HLA-B: variants seen among roughly 807,000 people sequenced by gnomAD.
HLA-B encodes the protein major histocompatibility complex, class I, B.
Under a neutral mutation model 41.5 loss-of-function variants are expected in HLA-B, and 31 were observed. That is an observed-to-expected ratio of 0.75 (90% confidence interval 0.56 to 1.01). HLA-B has a LOEUF of 1.01. HLA-B is among the 50% of genes least tolerant of loss of function. The pLI is 0.00. For synonymous variants in HLA-B, 138 were observed against 189.0 expected (o/e 0.73, Z 2.21); for missense variants, 369 against 457.2 (o/e 0.81, Z 1.76).
rs41559119 is a variant in HLA-B, at chr6:31,355,225, T to C, written c.896-2A>G. ...GGACGGTGGACTGGGAAGACGGCTCTGGGAAAGGAGGGGAAGATGAGGGGC... is the reference window on the plus strand; with the variant it reads ...GGACGGTGGACTGGGAAGACGGCTCCGGGAAAGGAGGGGAAGATGAGGGGC... On this transcript the variant is annotated splice_acceptor_variant, in intron 4 of 7. Transcript: ENST00000412585. LOFTEE classifies it high-confidence loss of function. 3.9e-6 allele frequency: 4 copies of C among 1,036,554 alleles called. 1 individual carries two copies. The African/African-American group carries it at 9.4e-5, about 24-fold the overall frequency. The allele number at this position is 1,036,554 out of a possible 1,614,324, so 64.2% of individuals were successfully genotyped here.
At chr6:31,356,488 GC>G in intron 2 of HLA-B, 46 bp from the exon 3 acceptor site, 1 of 778,372 alleles carries the variant, frequency 1.3e-6, no homozygotes, top group Non-Finnish European at 1.7e-6. Flanking sequence ...GCCCCGCCCC[GC>G]CCCGACCAAC....
In HLA-B at chr6:31,353,923, CTTAT is replaced by C. The variant is rs1562159214; in HGVS notation, c.*374_*377del. 1.2e-5 allele frequency: 4 copies of C among 324,582 alleles called. No individual in the cohort carries two copies. Among genetic ancestry groups the C allele is most frequent in the Non-Finnish European group, 2.3e-5 (4 of 171,042 alleles). 20.1% of individuals were successfully genotyped at this position (324,582 alleles called of 1,614,324 possible). A position where few individuals can be genotyped will look rare whatever the true frequency, so the allele number is the denominator to read the frequency against. On this transcript the variant is annotated 3_prime_UTR_variant, in exon 8 of 8. Transcript: ENST00000412585. Reference sequence around the variant, plus strand: ...TGCTCTCTCAAATTCCAGGAATTGACTTATTTAATTAATCCATCAACCTCTCATA... The same window carrying C: ...TGCTCTCTCAAATTCCAGGAATTGACTTAATTAATCCATCAACCTCTCATA...
At position 31,357,101 on chromosome 6, in the gene HLA-B, T is replaced by TCAGGGC; in HGVS notation, c.52_57dup (p.Ala18_Leu19dup). 2.2e-6 allele frequency: 2 copies of TCAGGGC among 908,356 alleles called. 1 individual carries two copies. Among genetic ancestry groups the TCAGGGC allele is most frequent in the Non-Finnish European group, 2.9e-6 (2 of 698,944 alleles). The allele number at this position is 908,356 out of a possible 1,614,324, so 56.3% of individuals were successfully genotyped here. A position where few individuals can be genotyped will look rare whatever the true frequency, so the allele number is the denominator to read the frequency against. On this transcript the variant is annotated inframe_insertion, in exon 1 of 8. Transcript: ENST00000412585. ...CCGCACTCACCGGCCCAGGTCTCGGTCAGGGCCAGGGCCGCCGAGAGCAGC... is the reference window on the plus strand; with the variant it reads ...CCGCACTCACCGGCCCAGGTCTCGGTCAGGGCCAGGGCCAGGGCCGCCGAGAGCAGC...
rs980218602 is a variant in HLA-B, at chr6:31,356,520, A to G, written c.344-78T>C. 9.6e-6 allele frequency: 10 copies of G among 1,036,854 alleles called. 2 individuals are homozygous for G. The highest frequency in any genetic ancestry group is 6.8e-5 in the African/African-American group (3 of 44,094). 64.2% of individuals were successfully genotyped at this position (1,036,854 alleles called of 1,614,324 possible). A position where few individuals can be genotyped will look rare whatever the true frequency, so the allele number is the denominator to read the frequency against. On this transcript the variant is annotated intron_variant, in intron 2 of 7. Transcript: ENST00000412585. ...CCAACCCGCGGGGATTTTGGCCTCAACTGAAAATGAAACCGGGTAAACGCG... is the reference window on the plus strand; with the variant it reads ...CCAACCCGCGGGGATTTTGGCCTCAGCTGAAAATGAAACCGGGTAAACGCG...
rs1071652 is a variant in HLA-B at position 31,356,424 on chromosome 6, C to T, written c.362G>A (p.Ser121Asn). Residue 121 changes from serine to asparagine, a missense_variant, in exon 3 of 8, where the codon AGC becomes AAC. Ser to Asn is a conservative substitution (Grantham distance 46). Transcript: ENST00000412585. ...QSEAGSHTLQ[S>N]MYGCDVGPDG... Reference sequence around the variant, plus strand: ...CGGCCCCACGTCGCAGCCGTACATGCTCTGGAGGGTGTGAGACCCTGGCCC... The same window carrying T: ...CGGCCCCACGTCGCAGCCGTACATGTTCTGGAGGGTGTGAGACCCTGGCCC... 12,007 of 906,310 alleles carry T rather than the reference C, an allele frequency of 0.013. 94 individuals carry two copies. Among genetic ancestry groups the T allele is most frequent in the Non-Finnish European group, 0.014 (9,797 of 695,514 alleles). The allele number at this position is 906,310 out of a possible 1,614,324, so 56.1% of individuals were successfully genotyped here.
Position 31,354,965 on chromosome 6 carries a change from G to T in HLA-B, c.1012+142C>A, listed in dbSNP as rs3819285. On this transcript the variant is annotated intron_variant, in intron 5 of 7. Transcript: ENST00000412585. ...ACATGTGCTGCACAAAAGAGTAAGT[G>T]CTGGCACACAGGGTCCCAGGCTGCG... 9.9e-3 allele frequency: 3,281 copies of T among 331,816 alleles called. 133 individuals are homozygous for T. The highest frequency in any genetic ancestry group is 0.059 in the South Asian group (1,474 of 25,028). The allele number at this position is 331,816 out of a possible 1,614,324, so 20.6% of individuals were successfully genotyped here. A position where few individuals can be genotyped will look rare whatever the true frequency, so the allele number is the denominator to read the frequency against.
Position 31,356,813 on chromosome 6 carries a change from GC to G in HLA-B, c.217del (p.Ala73ArgfsTer4). ...DAASPREEPR[A>X]PWIEQEGPEY... ...CGGCCCCTCCTGCTCTATCCACGGC[GC>G]CCGCGGCTCCTCTCTCGGACTCGCG... is the stretch of plus-strand genomic sequence containing the variant. On this transcript the variant is annotated frameshift_variant, in exon 2 of 8. Coordinates refer to ENST00000412585, the MANE Select transcript of HLA-B (RefSeq NM_005514.8). LOFTEE classifies it high-confidence loss of function. 1 of 1,164,936 alleles carries G rather than the reference GC, an allele frequency of 8.6e-7. No homozygotes were observed. 72.2% of individuals were successfully genotyped at this position (1,164,936 alleles called of 1,614,324 possible). A position where few individuals can be genotyped will look rare whatever the true frequency, so the allele number is the denominator to read the frequency against.
intron 3 of HLA-B, 35 bp downstream of exon 3, chr6:31,356,132 A>C: frequency 1.6e-6 from 2 of 1,240,276 alleles, no homozygotes; most frequent in Non-Finnish European, 1.0e-6. Context: ...GGCGACCTAT[A>C]GGAGATGGGG....
In HLA-B at chr6:31,357,087, G is replaced by T. The variant is rs151341076; in HGVS notation, c.72C>A (p.Ala24=). ...SAALALTETW[A]GSHSMRYFYT... Reference sequence around the variant, plus strand: ...ATTTCCCTCCCGACCCGCACTCACCGGCCCAGGTCTCGGTCAGGGCCAGGG... The same window carrying T: ...ATTTCCCTCCCGACCCGCACTCACCTGCCCAGGTCTCGGTCAGGGCCAGGG... The change falls in exon 1 of 8, where the codon GCC becomes GCA. Residue 24 remains alanine (A), a splice_region_variant and synonymous_variant. Coordinates refer to ENST00000412585, the MANE Select transcript of HLA-B (RefSeq NM_005514.8). The T allele has an allele frequency of 1.1e-6, 1 of 893,002 alleles. No individual in the cohort carries two copies. The highest frequency in any genetic ancestry group is 1.5e-6 in the Non-Finnish European group (1 of 686,064). 55.3% of individuals were successfully genotyped at this position (893,002 alleles called of 1,614,324 possible).
chr6:31,356,118 C>T lies in HLA-B; in HGVS notation c.619+49G>A, dbSNP rs771577508. On this transcript the variant is annotated intron_variant, in intron 3 of 7. Transcript: ENST00000412585. ...TCCTCCTCTTCTCGTGGGAGGCCAT[C>T]CCCGGCGACCTATAGGAGATGGGGA... 1.0e-5 allele frequency: 13 copies of T among 1,283,986 alleles called. No individual in the cohort carries two copies. In the African/African-American group the frequency reaches 1.5e-4, roughly 15 times the overall value. 79.5% of individuals were successfully genotyped at this position (1,283,986 alleles called of 1,614,324 possible). A position where few individuals can be genotyped will look rare whatever the true frequency, so the allele number is the denominator to read the frequency against.
chr6:31,356,535 G>C, intron 2 of HLA-B, 93 bp from the exon 3 acceptor site: 1 of 1,092,190 alleles, frequency 9.2e-7, no homozygotes, highest in Non-Finnish European at 1.2e-6. Flanking sequence ...AAATGAAACC[G>C]GGTAAACGCG....
intron 1 of HLA-B, 53 bp from the exon 2 acceptor site, chr6:31,357,010 CT>C: frequency 2.1e-6 from 2 of 938,328 alleles, no homozygotes; most frequent in East Asian, 4.8e-5. Context: ...GGCGCGGCTC[CT>C]CAGGTCCTGC....
rs41548118 is a variant in HLA-B at position 31,356,083 on chromosome 6, G to T, written c.619+84C>A. 8.8e-5 allele frequency: 92 copies of T among 1,051,410 alleles called. No individual in the cohort carries two copies. The Middle Eastern group carries it at 2.5e-3, about 29-fold the overall frequency. The allele number at this position is 1,051,410 out of a possible 1,614,324, so 65.1% of individuals were successfully genotyped here. On this transcript the variant is annotated intron_variant, in intron 3 of 7. Coordinates refer to ENST00000412585, the MANE Select transcript of HLA-B (RefSeq NM_005514.8). ...CAACGGAGGGCGACATTCTAGCGCT[G>T]ATCCCATTTTCCTCCTCTTCTCGTG...
In HLA-B at chr6:31,357,092, A is replaced by G; in HGVS notation, c.67T>C (p.Trp23Arg). 1 of 908,846 alleles carries G rather than the reference A, an allele frequency of 1.1e-6. No individual in the cohort carries two copies. The highest frequency in any genetic ancestry group is 1.4e-6 in the Non-Finnish European group (1 of 698,772). 56.3% of individuals were successfully genotyped at this position (908,846 alleles called of 1,614,324 possible). ...LSAALALTET[W>R]AGSHSMRYFY... is the part of the protein sequence containing the mutation. Reference sequence around the variant, plus strand: ...CCTCCCGACCCGCACTCACCGGCCCAGGTCTCGGTCAGGGCCAGGGCCGCC... The same window carrying G: ...CCTCCCGACCCGCACTCACCGGCCCGGGTCTCGGTCAGGGCCAGGGCCGCC... The change falls in exon 1 of 8, where the codon TGG becomes CGG. Residue 23 changes from tryptophan (W) to arginine (R), a missense_variant. By Grantham distance (101) the Trp-to-Arg change is moderately radical (BLOSUM62 -3). This residue lies in a region of HLA-B where 30 missense variants were observed against 20.9 expected (regional missense o/e 1.44). Transcript: ENST00000412585.
At chr6:31,354,752 G>A (rs41552422) in intron 5 of HLA-B, 87 bp from the exon 6 acceptor site, 35 of 700,634 alleles carry the variant, frequency 5.0e-5, no homozygotes, top group Non-Finnish European at 7.0e-5. Context: ...GGACCCAAAA[G>A]GAATTTCCAG....
At chr6:31,354,813 T>C (rs1288989756) in intron 5 of HLA-B, 148 bp from the exon 6 acceptor site, 3 of 444,536 alleles carry the variant, frequency 6.7e-6, no homozygotes, top group African/African-American at 3.9e-5. Context: ...GGAAAGCAAG[T>C]GTGGGTCCTG....
intron 7 of HLA-B, 56 bp downstream of exon 7, chr6:31,354,423 G>GGCCCCCCCCCCCC: frequency 3.1e-6 from 1 of 318,270 alleles, no homozygotes. Context: ...TTTCCCCTCT[G>GGCCCCCCCCCCCC]CCCCACCCAC....
At chr6:31,356,482 CG>C in intron 2 of HLA-B, 40 bp from the exon 3 acceptor site, 1 of 772,278 alleles carries the variant, frequency 1.3e-6, no homozygotes, top group Non-Finnish European at 1.7e-6. Flanking sequence ...CCCCGAGCCC[CG>C]CCCCGCCCCG....
chr6:31,355,768 C>T lies in HLA-B; in HGVS notation c.620-176G>A, dbSNP rs538456122. The T allele has an allele frequency of 9.9e-6, 7 of 707,524 alleles. No individual in the cohort carries two copies. In the East Asian group the frequency reaches 1.5e-4, roughly 15 times the overall value. The allele number at this position is 707,524 out of a possible 1,614,324, so 43.8% of individuals were successfully genotyped here. A position where few individuals can be genotyped will look rare whatever the true frequency, so the allele number is the denominator to read the frequency against. ...ATAATCTCCTATTCATTGGAAAGTT[C>T]GAGTCTCTGAGCGGGGAACAGGGAC... On this transcript the variant is annotated intron_variant, in intron 3 of 7. Coordinates refer to ENST00000412585, the MANE Select transcript of HLA-B (RefSeq NM_005514.8).
Sources: gnomAD v4.1 joint callset for allele counts on GRCh38, gnomAD v4.1.1 for gene constraint, gnomAD v4.1.1 regional missense constraint, MANE v1.5 for transcripts, NCBI Gene and HGNC (gene_info 2026-07-23, HGNC 2026-07-21) for gene names.